Variants in FBLN7 observed in about 807,000 individuals in gnomAD.
FBLN7 encodes fibulin 7.
Under a neutral mutation model 44.0 loss-of-function variants are expected in FBLN7, and 31 were observed. The ratio of observed to expected loss-of-function variants is 0.70; its 90% CI spans 0.53 to 0.95. The LOEUF (loss-of-function observed/expected upper bound fraction) is 0.95. Among genes scored for constraint, FBLN7 ranks in the 40% least tolerant of loss-of-function variants. The pLI is 0.00. For missense variants in FBLN7, 573 were observed against 618.5 expected (o/e 0.93, Z 0.78); for synonymous variants, 262 against 253.4 (o/e 1.03, Z -0.32).
chr2:112,236,438 A>T, the FBLN7 span: 15 of 1,353,180 alleles, frequency 1.1e-5, no homozygotes, highest in African/African-American at 1.5e-5. Context: ...TCTTCATCCG[A>T]AAACCGATTC....
At chr2:112,239,579 CTTTTTTTTTTT>C in the FBLN7 span, among the ~76,000 whole-genome samples, 24 of 86,480 alleles carry the variant, frequency 2.8e-4, no homozygotes, top group East Asian at 9.8e-4. Context: ...TAACAGTTTA[CTTTTTTTTTTT>C]TTTTTTTTTT....
At chr2:112,173,760 C>T (rs888320492) in intron 3 of FBLN7, among the ~76,000 whole-genome samples, 2 of 152,248 alleles carry the variant, frequency 1.3e-5, no homozygotes, top group African/African-American at 4.8e-5. Flanking sequence ...CTGGGACATA[C>T]GTGCGTGTGA....
rs1683350135 is a variant in FBLN7, at chr2:112,187,877, C to T, written c.*371C>T. 1 of 364,426 alleles carries T rather than the reference C, an allele frequency of 2.7e-6. No homozygotes were observed. The highest frequency in any genetic ancestry group is 4.9e-6 in the Non-Finnish European group (1 of 202,982). 22.6% of individuals were successfully genotyped at this position (364,426 alleles called of 1,614,324 possible). A position where few individuals can be genotyped will look rare whatever the true frequency, so the allele number is the denominator to read the frequency against. On this transcript the variant is annotated 3_prime_UTR_variant, in exon 8 of 8. Transcript: ENST00000331203. The surrounding 1 kb of genome is among the most constrained non-coding windows in gnomAD (Gnocchi z 5.1). ...AATGTGTGTCAGGTGACTATCAGCC[C>T]TTCTGCCTTTTTGTAGCCAGGCTTG... is the stretch of plus-strand genomic sequence containing the variant.
At chr2:112,236,015 T>C in the FBLN7 span, among the ~76,000 whole-genome samples, 1 of 134,170 alleles carries the variant, frequency 7.5e-6, no homozygotes, top group South Asian at 2.4e-4. Flanking sequence ...AGGGAGGTGG[T>C]GGGTGGTGGG....
the FBLN7 span, among the ~76,000 whole-genome samples, chr2:112,197,334 G>C: frequency 2.0e-5 from 3 of 150,830 alleles, no homozygotes; most frequent in African/African-American, 2.4e-5. Context: ...CAGAGAGAGA[G>C]AGAAAAGACA....
intron 7 of FBLN7, among the ~76,000 whole-genome samples, chr2:112,186,677 A>T (rs183882534): frequency 6.6e-5 from 10 of 152,240 alleles, no homozygotes; most frequent in African/African-American, 2.4e-4. Flanking sequence ...TGTGTTTAGG[A>T]AGTTCACCGT....
the FBLN7 span, among the ~76,000 whole-genome samples, chr2:112,194,719 T>C: frequency 6.6e-6 from 1 of 152,234 alleles, no homozygotes; most frequent in South Asian, 2.1e-4. Context: ...GGTTTCCTGT[T>C]TGGGTTTCCA....
intron 5 of FBLN7, 88 bp downstream of exon 5, chr2:112,181,964 G>A: frequency 6.9e-7 from 1 of 1,442,688 alleles, no homozygotes; most frequent in Non-Finnish European, 9.1e-7. Flanking sequence ...CCTCCTGCCG[G>A]CACGGGTGGC....
chr2:112,144,938 G>A (rs893386062), intron 1 of FBLN7, among the ~76,000 whole-genome samples: 3 of 152,192 alleles, frequency 2.0e-5, no homozygotes, highest in African/African-American at 7.2e-5. Flanking sequence ...TCATGTGAAT[G>A]TATTTTCATT....
the FBLN7 span, among the ~76,000 whole-genome samples, chr2:112,209,235 A>G: frequency 6.6e-6 from 1 of 152,216 alleles, no homozygotes; most frequent in African/African-American, 2.4e-5. Context: ...AATAATGAAA[A>G]CATGGTGCTT....
At chr2:112,155,627 T>C (rs1243595588) in intron 1 of FBLN7, among the ~76,000 whole-genome samples, 2 of 152,160 alleles carry the variant, frequency 1.3e-5, no homozygotes, top group Admixed American at 1.3e-4. Context: ...GTTTGCTTGG[T>C]CTTGAAGATG....
At chr2:112,169,998 T>G (rs1314109448) in intron 3 of FBLN7, among the ~76,000 whole-genome samples, 1 of 152,134 alleles carries the variant, frequency 6.6e-6, no homozygotes, top group Non-Finnish European at 1.5e-5. Flanking sequence ...CCTAGCACTT[T>G]GGGAGGCCGA....
the FBLN7 span, among the ~76,000 whole-genome samples, chr2:112,221,381 C>T: frequency 6.6e-6 from 1 of 152,186 alleles, no homozygotes; most frequent in Non-Finnish European, 1.5e-5. Context: ...ATGCGACATG[C>T]TGGCTCCTCA....
the FBLN7 span, among the ~76,000 whole-genome samples, chr2:112,234,681 G>A: frequency 1.3e-5 from 2 of 151,896 alleles, no homozygotes; most frequent in East Asian, 1.9e-4. Context: ...GCGCCTGTAA[G>A]CCCAGCTACT....
At chr2:112,204,525 T>A in the FBLN7 span, among the ~76,000 whole-genome samples, 1 of 151,848 alleles carries the variant, frequency 6.6e-6, no homozygotes, top group East Asian at 1.9e-4. Context: ...ATGGTCAAAC[T>A]GTTGAAAGTC....
chr2:112,142,756 G>T (rs1463587582), intron 1 of FBLN7, among the ~76,000 whole-genome samples: 2 of 139,308 alleles, frequency 1.4e-5, no homozygotes, highest in Non-Finnish European at 3.0e-5. Context: ...TATCATGAGC[G>T]TATGTGTGTG....
At chr2:112,157,094 G>C (rs1226077984) in intron 1 of FBLN7, among the ~76,000 whole-genome samples, 1 of 152,328 alleles carries the variant, frequency 6.6e-6, no homozygotes, top group East Asian at 1.9e-4. Flanking sequence ...TTAAGACTGG[G>C]TGCGGTGGCT....
Position 112,165,279 on chromosome 2 carries a change from A to G in FBLN7, c.406+108A>G. ...GGAACATTTTCTGCTTGGTTCTTTA[A>G]TCATTCCTCAACCACAGAACAGCAG... On this transcript the variant is annotated intron_variant, in intron 3 of 7. Coordinates refer to ENST00000331203, the MANE Select transcript of FBLN7 (RefSeq NM_153214.3). 2 of 1,363,200 alleles carry G rather than the reference A, an allele frequency of 1.5e-6. 1 individual carries two copies. The highest frequency in any genetic ancestry group is 5.1e-4 in the Middle Eastern group (2 of 3,900). The allele number at this position is 1,363,200 out of a possible 1,614,324, so 84.4% of individuals were successfully genotyped here.
the FBLN7 span, among the ~76,000 whole-genome samples, chr2:112,198,665 AAG>A: frequency 6.6e-6 from 1 of 151,862 alleles, no homozygotes; most frequent in African/African-American, 2.4e-5. Flanking sequence ...GAAAGAAAGA[AAG>A]AAACCCAGAG....
Sources: allele counts gnomAD v4.1 joint callset (sites outside exome capture counted in the v4.1 genomes callset), GRCh38; gene constraint gnomAD v4.1.1; non-coding constraint Gnocchi (gnomAD v3.1); transcripts MANE v1.5; gene names NCBI Gene and HGNC (gene_info 2026-07-23, HGNC 2026-07-21).